The following NFIX variants were observed in gnomAD, a reference collection of about 807,000 sequenced individuals.
NFIX encodes the protein nuclear factor 1 X-type.
NFIX carries 2 observed loss-of-function variants against 53.3 expected under a neutral mutation model. The ratio of observed to expected loss-of-function variants is 0.04; its 90% confidence interval spans 0.02 to 0.12. NFIX has a LOEUF of 0.12. NFIX is among the 10% of genes least tolerant of loss of function. NFIX has a pLI of 1.00. For synonymous variants in NFIX, 244 were observed against 289.0 expected (o/e 0.84, Z 1.58); for missense variants, 310 against 674.5 (o/e 0.46, Z 5.99).
chr19:13,003,636 C>T (rs1189532283), intron 1 of NFIX, among the ~76,000 whole-genome samples: 1 of 152,058 alleles, frequency 6.6e-6, no homozygotes, highest in Non-Finnish European at 1.5e-5. Flanking sequence ...TGGGAAATGT[C>T]TGGAAACATT....
At chr19:13,015,605 AT>A (rs1217082999) in intron 1 of NFIX, among the ~76,000 whole-genome samples, 3 of 152,120 alleles carry the variant, frequency 2.0e-5, no homozygotes, top group Admixed American at 2.0e-4. Context: ...GAGGCCCCCC[AT>A]TCCCTGCCTG....
intron 2 of NFIX, among the ~76,000 whole-genome samples, chr19:13,029,467 AC>A (rs550206589): frequency 1.6e-4 from 24 of 152,114 alleles, no homozygotes; most frequent in African/African-American, 5.3e-4. Context: ...GTCTCAAAAG[AC>A]TCATCATAAT....
At chr19:13,059,627 G>C (rs1158138158) in intron 2 of NFIX, among the ~76,000 whole-genome samples, 1 of 152,152 alleles carries the variant, frequency 6.6e-6, no homozygotes, top group Admixed American at 6.5e-5. Context: ...GGCTTTAAAA[G>C]GTGGAGAGTC....
chr19:13,034,586 A>G (rs1599756927), intron 2 of NFIX, among the ~76,000 whole-genome samples: 1 of 152,332 alleles, frequency 6.6e-6, no homozygotes, highest in Non-Finnish European at 1.5e-5. Flanking sequence ...TGATCCTTGC[A>G]CTGTCACACC....
At position 13,078,264 on chromosome 19, in the gene NFIX, C is replaced by A. The variant is rs2017232003; in HGVS notation, c.956-349C>A. On this transcript the variant is annotated intron_variant, in intron 6 of 10. Coordinates refer to ENST00000592199, the MANE Select transcript of NFIX (RefSeq NM_001365902.3). The surrounding 1 kb of genome is among the most constrained non-coding windows in gnomAD (Gnocchi z 4.7). Reference sequence around the variant, plus strand: ...CCTGGGGTTCCTCCTGCACTCCTTTCCCAATGTTGGTCCTGCATCCCACCC... The same window carrying A: ...CCTGGGGTTCCTCCTGCACTCCTTTACCAATGTTGGTCCTGCATCCCACCC... Among the ~76,000 whole-genome samples, 1 of 152,212 alleles carries A rather than the reference C, an allele frequency of 6.6e-6. No individual in the cohort carries two copies. Among genetic ancestry groups the A allele is most frequent in the South Asian group, 2.1e-4 (1 of 4,834 alleles).
chr19:13,089,220 G>A lies in NFIX; in HGVS notation c.1403-1079G>A, dbSNP rs542900412. 4.7e-4 allele frequency among the ~76,000 whole-genome samples: 71 copies of A among 152,256 alleles called. No individual in the cohort carries two copies. Among genetic ancestry groups the A allele is most frequent in the African/African-American group, 1.4e-3 (60 of 41,546 alleles). ...GGATGGGAGCTGGGCTACAGGGTTC[G>A]GGGGCCACTTCTGGAGAGAGGTGGG... is the stretch of plus-strand genomic sequence containing the variant. On this transcript the variant is annotated intron_variant, in intron 9 of 10. Coordinates refer to ENST00000592199, the MANE Select transcript of NFIX (RefSeq NM_001365902.3). This position sits in a 1 kb window ranked among gnomAD's most constrained non-coding sequence, Gnocchi z 4.8.
At chr19:13,075,968 G>A (rs1271352140) in intron 6 of NFIX, among the ~76,000 whole-genome samples, 1 of 152,146 alleles carries the variant, frequency 6.6e-6, no homozygotes, top group Non-Finnish European at 1.5e-5. Context: ...AGCCCCTCCT[G>A]GTATTTCTCT....
At chr19:13,063,115 G>A (rs2016192063) in intron 2 of NFIX, among the ~76,000 whole-genome samples, 1 of 152,190 alleles carries the variant, frequency 6.6e-6, no homozygotes, top group Non-Finnish European at 1.5e-5. Context: ...GGAGGCTGAT[G>A]CTCCCCAATC....
rs1568310016 is a variant in NFIX at position 13,067,461 on chromosome 19, CGCGTGTGTGTGTGTGTGTGT to C, written c.560-5564_560-5545del. Among the ~76,000 whole-genome samples, 2 of 140,934 alleles carry C rather than the reference CGCGTGTGTGTGTGTGTGTGT, an allele frequency of 1.4e-5. No individual in the cohort carries two copies. The highest frequency in any genetic ancestry group is 2.1e-4 in the East Asian group (1 of 4,858). 92.5% of individuals were successfully genotyped at this position (140,934 alleles called of 152,430 possible). On this transcript the variant is annotated intron_variant, in intron 2 of 10. Transcript: ENST00000592199. This position sits in a 1 kb window ranked among gnomAD's most constrained non-coding sequence, Gnocchi z 4.2. The stretch of plus-strand genomic sequence containing the variant: ...TTAGTGGCACCTCCGTGTGTGTGCG[CGCGTGTGTGTGTGTGTGTGT>C]GCGTGTGTGTGTGTGTGTGTGTGTA...
At chr19:13,087,399 C>T in intron 8 of NFIX, among the ~76,000 whole-genome samples, 1 of 152,140 alleles carries the variant, frequency 6.6e-6, no homozygotes, top group South Asian at 2.1e-4. Flanking sequence ...GAGAACAGGT[C>T]AGCACCCTAC....
chr19:13,039,657 C>G (rs907262452), intron 2 of NFIX, among the ~76,000 whole-genome samples: 1 of 152,122 alleles, frequency 6.6e-6, no homozygotes, highest in South Asian at 2.1e-4. Context: ...GGCGAGGCCC[C>G]GTTTCTATGC....
intron 2 of NFIX, among the ~76,000 whole-genome samples, chr19:13,059,160 T>C (rs1446009405): frequency 6.6e-6 from 1 of 152,196 alleles, no homozygotes; most frequent in East Asian, 1.9e-4. Context: ...CCATACTTAA[T>C]TGAATTAAAG....
rs536199542 is a variant in NFIX at position 13,056,650 on chromosome 19, G to A, written c.560-16397G>A. 2.0e-5 allele frequency among the ~76,000 whole-genome samples: 3 copies of A among 152,326 alleles called. No individual in the cohort carries two copies. In the South Asian group the frequency reaches 6.2e-4, roughly 32 times the overall value. Reference sequence around the variant, plus strand: ...CCCAGTGCCTACACCCGAGGCCAGGGAACCCAGGGGTGAAAACCTGGCTTA... The same window carrying A: ...CCCAGTGCCTACACCCGAGGCCAGGAAACCCAGGGGTGAAAACCTGGCTTA... On this transcript the variant is annotated intron_variant, in intron 2 of 10. Coordinates refer to ENST00000592199, the MANE Select transcript of NFIX (RefSeq NM_001365902.3).
chr19:13,071,807 G>T (rs1280453419), intron 2 of NFIX, among the ~76,000 whole-genome samples: 1 of 152,186 alleles, frequency 6.6e-6, no homozygotes, highest in African/African-American at 2.4e-5. Flanking sequence ...GCTGCAAGCA[G>T]GGGTGCCACC....
chr19:13,026,717 CA>C (rs2013383018), intron 2 of NFIX, among the ~76,000 whole-genome samples: 1 of 146,730 alleles, frequency 6.8e-6, no homozygotes, highest in Non-Finnish European at 1.5e-5. Flanking sequence ...AGAGGGCTAC[CA>C]AACCTTTCTC....
rs2018346664 is a variant in NFIX, at chr19:13,094,890, C to G, written c.*241C>G. On this transcript the variant is annotated 3_prime_UTR_variant, in exon 11 of 11. Coordinates refer to ENST00000592199, the MANE Select transcript of NFIX (RefSeq NM_001365902.3). This position sits in a 1 kb window ranked among gnomAD's most constrained non-coding sequence, Gnocchi z 4.3. Reference sequence around the variant, plus strand: ...CTCGGTGGAGCTGTGCACCAGCAGCCAAGCAGAAAGAAACACGCGACATGG... The same window carrying G: ...CTCGGTGGAGCTGTGCACCAGCAGCGAAGCAGAAAGAAACACGCGACATGG... 1.9e-6 allele frequency: 1 copy of G among 524,336 alleles called. No homozygotes were observed. 32.5% of individuals were successfully genotyped at this position (524,336 alleles called of 1,614,324 possible).
At chr19:13,016,500 T>C (rs1316783529) in intron 1 of NFIX, among the ~76,000 whole-genome samples, 1 of 152,120 alleles carries the variant, frequency 6.6e-6, no homozygotes, top group Non-Finnish European at 1.5e-5. Context: ...AAATTGCAGC[T>C]GTTCTCTCTG....
chr19:13,020,585 C>T (rs1407214963), intron 1 of NFIX, among the ~76,000 whole-genome samples: 1 of 152,218 alleles, frequency 6.6e-6, no homozygotes, highest in African/African-American at 2.4e-5. Flanking sequence ...GTTATAGCCA[C>T]TGGCAGGAGA....
At chr19:13,032,932 G>A (rs931655197) in intron 2 of NFIX, among the ~76,000 whole-genome samples, 32 of 152,180 alleles carry the variant, frequency 2.1e-4, no homozygotes, top group African/African-American at 6.5e-4. Flanking sequence ...CTGTATGGAG[G>A]CCTAATTGTC....
Sources: gnomAD v4.1 joint callset for allele counts (sites outside exome capture counted in the v4.1 genomes callset) on GRCh38, gnomAD v4.1.1 for gene constraint, Gnocchi (gnomAD v3.1) non-coding constraint, MANE v1.5 for transcripts, NCBI Gene and HGNC (gene_info 2026-07-23, HGNC 2026-07-21) for gene names.